Variants in FGGY observed in about 807,000 individuals in gnomAD.
FGGY encodes FGGY carbohydrate kinase domain containing.
Under a neutral mutation model 71.3 loss-of-function variants are expected in FGGY, and 72 were observed. The observed-to-expected ratio is 1.01, with a 90% confidence interval of 0.84 to 1.23. The LOEUF is 1.23. FGGY is among the 50% of genes most tolerant of loss of function. FGGY has a pLI of 0.00. For missense variants in FGGY, 668 were observed against 682.3 expected, an observed-to-expected ratio of 0.98 and a Z score of 0.23; for synonymous variants, 251 against 250.3, an observed-to-expected ratio of 1.00 and a Z score of -0.02.
chr1:59,558,496 A>T (rs368728579), intron 8 of FGGY, among the ~76,000 whole-genome samples: 4 of 152,290 alleles, frequency 2.6e-5, no homozygotes, highest in African/African-American at 9.6e-5. Flanking sequence ...GGATTTCAAA[A>T]GGGGAGGGGG....
chr1:59,653,038 G>A (rs1267220650), intron 11 of FGGY, among the ~76,000 whole-genome samples: 3 of 152,126 alleles, frequency 2.0e-5, no homozygotes, highest in Admixed American at 6.5e-5. Context: ...TGCTCCTGCT[G>A]GGGGGTGCCT....
intron 7 of FGGY, among the ~76,000 whole-genome samples, chr1:59,527,521 C>T (rs1436682253): frequency 6.6e-6 from 1 of 152,206 alleles, no homozygotes; most frequent in African/African-American, 2.4e-5. Context: ...CCTTTCTCTT[C>T]ACCCCATTGT....
intron 5 of FGGY, among the ~76,000 whole-genome samples, chr1:59,422,347 T>TA (rs996956862): frequency 2.0e-5 from 3 of 152,204 alleles, no homozygotes; most frequent in African/African-American, 7.2e-5. Context: ...TCCTACCTTG[T>TA]AAAAAATGGA....
At chr1:59,493,383 C>T (rs1289216869) in intron 6 of FGGY, among the ~76,000 whole-genome samples, 1 of 149,970 alleles carries the variant, frequency 6.7e-6, no homozygotes, top group Non-Finnish European at 1.5e-5. Flanking sequence ...AATGTGGAAG[C>T]AAACCAAGTG....
At chr1:59,650,363 G>T (rs2097145313) in intron 11 of FGGY, among the ~76,000 whole-genome samples, 1 of 127,676 alleles carries the variant, frequency 7.8e-6, no homozygotes, top group African/African-American at 3.8e-5. Context: ...GAATTTGGCT[G>T]TGAATCCGTC....
At chr1:59,621,084 C>T (rs768954978) in intron 9 of FGGY, among the ~76,000 whole-genome samples, 12 of 152,074 alleles carry the variant, frequency 7.9e-5, no homozygotes, top group Non-Finnish European at 1.5e-4. Flanking sequence ...TGTGACCTCA[C>T]ATGGCCTTTT....
intron 2 of FGGY, among the ~76,000 whole-genome samples, chr1:59,333,769 G>A (rs2048935577): frequency 6.6e-6 from 1 of 152,202 alleles, no homozygotes; most frequent in Non-Finnish European, 1.5e-5. Flanking sequence ...TCAAGTCTTT[G>A]TGACTCATTG....
At chr1:59,648,929 A>G (rs1398179196) in intron 11 of FGGY, among the ~76,000 whole-genome samples, 2 of 151,876 alleles carry the variant, frequency 1.3e-5, no homozygotes, top group South Asian at 2.1e-4. Flanking sequence ...TTTTTGTATA[A>G]GGTGTAAGGA....
chr1:59,351,284 G>C (rs552014709), intron 4 of FGGY, among the ~76,000 whole-genome samples: 1 of 152,128 alleles, frequency 6.6e-6, no homozygotes, highest in Non-Finnish European at 1.5e-5. Flanking sequence ...GCCGACCCCT[G>C]GTCTTGACAA....
At chr1:59,366,594 T>C (rs75079673) in intron 4 of FGGY, among the ~76,000 whole-genome samples, 4,822 of 152,294 alleles carry the variant, frequency 0.032, 98 homozygotes, top group East Asian at 0.058. Context: ...ATTACGTTAT[T>C]GTCATATATC....
At chr1:59,374,552 G>A (rs1184606472) in intron 4 of FGGY, among the ~76,000 whole-genome samples, 1 of 152,052 alleles carries the variant, frequency 6.6e-6, no homozygotes, top group African/African-American at 2.4e-5. Context: ...TCCCATTACT[G>A]GGTATATACC....
At chr1:59,381,685 A>C (rs2059481087) in intron 5 of FGGY, among the ~76,000 whole-genome samples, 1 of 149,988 alleles carries the variant, frequency 6.7e-6, no homozygotes, top group South Asian at 2.1e-4. Context: ...TTTGGCCTCT[A>C]ATATTAACTA....
chr1:59,494,809 CA>C (rs2093981681), intron 6 of FGGY, among the ~76,000 whole-genome samples: 1 of 152,044 alleles, frequency 6.6e-6, no homozygotes, highest in African/African-American at 2.4e-5. Context: ...TTTTAGGAAA[CA>C]AAAATTCTTT....
At chr1:59,560,934 T>A (rs142075355) in intron 8 of FGGY, among the ~76,000 whole-genome samples, 193 of 152,252 alleles carry the variant, frequency 1.3e-3, no homozygotes, top group African/African-American at 4.5e-3. Flanking sequence ...TAGTAGGCCC[T>A]TTCCTCAGTC....
intron 6 of FGGY, among the ~76,000 whole-genome samples, chr1:59,494,339 G>T (rs930915100): frequency 2.0e-5 from 3 of 152,172 alleles, no homozygotes; most frequent in Non-Finnish European, 4.4e-5. Flanking sequence ...TGTGGAGATG[G>T]CCTAATCAGT....
intron 11 of FGGY, among the ~76,000 whole-genome samples, chr1:59,657,273 G>A (rs2097227830): frequency 6.6e-6 from 1 of 152,140 alleles, no homozygotes; most frequent in Non-Finnish European, 1.5e-5. Context: ...TGGTCTTCAG[G>A]AGTGGGTCAG....
chr1:59,321,121 C>T (rs1214765407), intron 1 of FGGY, among the ~76,000 whole-genome samples: 1 of 152,172 alleles, frequency 6.6e-6, no homozygotes, highest in Admixed American at 6.5e-5. Flanking sequence ...GAATGAATGA[C>T]TGACTAGGAG....
At chr1:59,626,210 A>T in intron 10 of FGGY, 161 bp downstream of exon 10, 1 of 552,714 alleles carries the variant, frequency 1.8e-6, no homozygotes, top group Non-Finnish European at 3.3e-6. Context: ...AGATGTATTA[A>T]TTCTTTAAAT....
chr1:59,539,684 A>G (rs1455579584), intron 7 of FGGY, among the ~76,000 whole-genome samples: 1 of 152,236 alleles, frequency 6.6e-6, no homozygotes. Flanking sequence ...TGACTTTGAG[A>G]TAGACAATTT....
Sources: gnomAD v4.1 joint callset for allele counts (sites outside exome capture counted in the v4.1 genomes callset) on GRCh38, gnomAD v4.1.1 for gene constraint, MANE v1.5 for transcripts, NCBI Gene and HGNC (gene_info 2026-07-23, HGNC 2026-07-21) for gene names.